Variants in GPHN observed in about 807,000 individuals in gnomAD.
GPHN encodes the protein gephyrin.
A neutral mutation model predicts 95.5 loss-of-function variants in GPHN; 17 were observed. The ratio of observed to expected loss-of-function variants is 0.18; its 90% CI spans 0.12 to 0.27. The LOEUF is 0.27. GPHN is among the 10% of genes least tolerant of loss of function. The pLI, the probability that GPHN is intolerant of heterozygous loss-of-function variation, is 1.00. For synonymous variants in GPHN, 320 were observed against 322.5 expected, an observed-to-expected ratio of 0.99 and a Z score of 0.08; for missense variants, 660 against 978.1, an observed-to-expected ratio of 0.67 and a Z score of 4.34.
At chr14:66,871,414 A>G (rs996828715) in intron 4 of GPHN, among the ~76,000 whole-genome samples, 5 of 152,236 alleles carry the variant, frequency 3.3e-5, no homozygotes, top group African/African-American at 1.2e-4. Flanking sequence ...AAGTAATGAA[A>G]TAAATATTAA....
At position 67,089,819 on chromosome 14, in the gene GPHN, C is replaced by T. The variant is rs144443284; in HGVS notation, c.1237+744C>T. 5.8e-3 allele frequency among the ~76,000 whole-genome samples: 890 copies of T among 152,254 alleles called. 11 individuals are homozygous for T. Among genetic ancestry groups the T allele is most frequent in the African/African-American group, 0.018 (739 of 41,568 alleles). On this transcript the variant is annotated intron_variant, in intron 12 of 22. Transcript: ENST00000478722. ...CAAAGTTGCCTGAGATTGCATAAAG[C>T]TTAAAAGCAAATACTAAATAGCATT...
At chr14:66,584,615 G>A (rs994449675) in intron 1 of GPHN, among the ~76,000 whole-genome samples, 1 of 151,916 alleles carries the variant, frequency 6.6e-6, no homozygotes, top group Admixed American at 6.6e-5. Context: ...TGAATTTTGT[G>A]GAAGGCCTTT....
At chr14:67,174,057 G>A (rs572305450) in intron 21 of GPHN, among the ~76,000 whole-genome samples, 28 of 152,288 alleles carry the variant, frequency 1.8e-4, no homozygotes, top group South Asian at 6.2e-4. Context: ...TAAGACTTAC[G>A]AGCCATCATT....
intron 1 of GPHN, among the ~76,000 whole-genome samples, chr14:66,604,291 TG>T (rs1207903861): frequency 6.6e-6 from 1 of 152,282 alleles, no homozygotes; most frequent in South Asian, 2.1e-4. Context: ...TTAATGCTTT[TG>T]TTTTTTTTCT....
At chr14:67,657,559 A>G in the GPHN span, among the ~76,000 whole-genome samples, 9 of 151,972 alleles carry the variant, frequency 5.9e-5, no homozygotes, top group African/African-American at 1.9e-4. Flanking sequence ...AAACGGAGGC[A>G]GCTCCAAGTT....
intron 8 of GPHN, among the ~76,000 whole-genome samples, chr14:66,941,238 C>T (rs1400323324): frequency 4.9e-5 from 7 of 142,512 alleles, no homozygotes; most frequent in African/African-American, 2.1e-4. Flanking sequence ...ATTTCTCTCT[C>T]TCCAGTCCTT....
At chr14:67,171,639 T>G (rs1314776077) in intron 21 of GPHN, among the ~76,000 whole-genome samples, 1 of 151,672 alleles carries the variant, frequency 6.6e-6, no homozygotes. Flanking sequence ...CAACTATAAG[T>G]CCCTCATGCC....
At chr14:67,110,483 T>C (rs916753009) in intron 14 of GPHN, among the ~76,000 whole-genome samples, 2 of 152,226 alleles carry the variant, frequency 1.3e-5, no homozygotes, top group African/African-American at 2.4e-5. Flanking sequence ...TCTATGATCA[T>C]TGCTGTTATA....
the GPHN span, chr14:67,386,041 C>T: frequency 3.3e-5 from 5 of 152,206 alleles, no homozygotes; most frequent in Non-Finnish European, 7.4e-5. Flanking sequence ...TACTTTGCAA[C>T]CTATGGAGAT....
chr14:66,630,167 G>C (rs2153338076), intron 1 of GPHN, among the ~76,000 whole-genome samples: 1 of 152,282 alleles, frequency 6.6e-6, no homozygotes, highest in Middle Eastern at 3.4e-3. Flanking sequence ...AAAGGGATAA[G>C]ATAAGAGATG....
intron 1 of GPHN, among the ~76,000 whole-genome samples, chr14:66,571,054 C>G (rs558371744): frequency 4.3e-4 from 66 of 152,086 alleles, no homozygotes; most frequent in Non-Finnish European, 9.4e-4. Context: ...CGTTTTCACA[C>G]TGCTATAAAG....
At chr14:67,374,059 A>T in the GPHN span, among the ~76,000 whole-genome samples, 1 of 152,106 alleles carries the variant, frequency 6.6e-6, no homozygotes, top group African/African-American at 2.4e-5. Context: ...TGATAATAAA[A>T]ATTTATTTCT....
At position 66,509,933 on chromosome 14, in the gene GPHN, G is replaced by A. The variant is rs920260552; in HGVS notation, c.64+1342G>A. ...ATTTTATGAAAAGGTGATATCCAAAGCCTCCTTTTTTCTCTTTTAAGTAAA... is the reference window on the plus strand; with the variant it reads ...ATTTTATGAAAAGGTGATATCCAAAACCTCCTTTTTTCTCTTTTAAGTAAA... On this transcript the variant is annotated intron_variant, in intron 1 of 22. Transcript: ENST00000478722. 5.3e-5 allele frequency among the ~76,000 whole-genome samples: 8 copies of A among 152,208 alleles called. No individual in the cohort carries two copies. In the East Asian group the frequency reaches 1.5e-3, roughly 29 times the overall value.
intron 1 of GPHN, among the ~76,000 whole-genome samples, chr14:66,637,117 G>C (rs1470514857): frequency 1.3e-5 from 2 of 152,044 alleles, no homozygotes; most frequent in Non-Finnish European, 2.9e-5. Flanking sequence ...TAATAATCTT[G>C]TCACTTTATT....
At chr14:67,283,163 A>G in the GPHN span, among the ~76,000 whole-genome samples, 1 of 152,286 alleles carries the variant, frequency 6.6e-6, no homozygotes, top group East Asian at 1.9e-4. Context: ...GTGAAGAAGG[A>G]AAAACACACC....
intron 5 of GPHN, 74 bp downstream of exon 5, chr14:66,880,107 C>A: frequency 3.2e-6 from 3 of 929,648 alleles, no homozygotes; most frequent in Admixed American, 1.8e-5. Context: ...AAAATCTACA[C>A]TTTGGCATTG....
chr14:67,656,900 C>T, the GPHN span, among the ~76,000 whole-genome samples: 5 of 152,182 alleles, frequency 3.3e-5, no homozygotes, highest in Non-Finnish European at 7.3e-5. Flanking sequence ...GGTCCATGTG[C>T]CTCCTGGACT....
chr14:67,526,902 G>T, the GPHN span, among the ~76,000 whole-genome samples: 1 of 152,166 alleles, frequency 6.6e-6, no homozygotes. Flanking sequence ...TAGGGTATGA[G>T]CCCTGACACA....
intron 8 of GPHN, among the ~76,000 whole-genome samples, chr14:66,928,562 T>C (rs2066612147): frequency 6.6e-6 from 1 of 152,180 alleles, no homozygotes; most frequent in Admixed American, 6.5e-5. Flanking sequence ...TTCTACTAAT[T>C]TGGGCTTGAT....
Sources: allele counts gnomAD v4.1 joint callset (sites outside exome capture counted in the v4.1 genomes callset), GRCh38; gene constraint gnomAD v4.1.1; transcripts MANE v1.5; gene names NCBI Gene and HGNC (gene_info 2026-07-23, HGNC 2026-07-21).